The following PGM3 variants were observed in gnomAD, a reference collection of about 807,000 sequenced individuals.
PGM3 encodes the protein phosphoacetylglucosamine mutase.
In PGM3, 40 loss-of-function variants were observed where a neutral mutation model predicts 66.2. The observed-to-expected ratio is 0.60, with a 90% CI of 0.47 to 0.79. The LOEUF is 0.79. Ranked by LOEUF, PGM3 falls within the 30% of genes least tolerant of loss-of-function variation. The pLI, the probability that PGM3 is intolerant of heterozygous loss-of-function variation, is 0.00. For synonymous variants in PGM3, 191 were observed against 224.2 expected (o/e 0.85, Z 1.32); for missense variants, 537 against 643.4 (o/e 0.83, Z 1.79).
intron 8 of PGM3, 140 bp from the exon 9 acceptor site, chr6:83,176,200 C>G: frequency 1.7e-6 from 1 of 594,042 alleles, no homozygotes; most frequent in Non-Finnish European, 3.1e-6. Context: ...CATTAAAATA[C>G]AAAATGGTAC....
downstream of PGM3, chr6:83,157,465 G>A: frequency 1.2e-6 from 1 of 843,160 alleles, no homozygotes; most frequent in Admixed American, 2.7e-5. Context: ...GTTGAAAATA[G>A]TAAAACAAGT....
At chr6:83,187,392 T>C (rs1320501536) in intron 3 of PGM3, among the ~76,000 whole-genome samples, 2 of 152,218 alleles carry the variant, frequency 1.3e-5, no homozygotes, top group African/African-American at 4.8e-5. Context: ...CTAAGAACAG[T>C]AACAATAAAC....
the PGM3 span, chr6:83,153,439 C>T: frequency 1.1e-6 from 1 of 936,382 alleles, no homozygotes. Flanking sequence ...TTCTAACAAA[C>T]TGAAAATCAG....
intron 1 of PGM3, among the ~76,000 whole-genome samples, chr6:83,191,723 TC>T (rs1583300979): frequency 6.6e-6 from 1 of 152,148 alleles, no homozygotes; most frequent in East Asian, 1.9e-4. Context: ...GAGCGGTGGC[TC>T]ACGCCAGTAA....
chr6:83,191,264 C>G lies in PGM3; in HGVS notation c.-2-250G>C, dbSNP rs1231998324. On this transcript the variant is annotated intron_variant, in intron 1 of 12. Coordinates refer to ENST00000513973, the MANE Select transcript of PGM3 (RefSeq NM_015599.3). The stretch of plus-strand genomic sequence containing the variant: ...GATAGCAGATTGTCCCCACTCTCCT[C>G]CCATTTTAGCTCCAGGACTATCCTG... 20 of 1,533,854 alleles carry G rather than the reference C, an allele frequency of 1.3e-5. No individual in the cohort carries two copies. The East Asian group carries it at 4.4e-4, about 34-fold the overall frequency.
At chr6:83,156,803 T>C (rs1040136131), downstream of PGM3, among the ~76,000 whole-genome samples, 16 of 152,226 alleles carry the variant, frequency 1.1e-4, no homozygotes, top group African/African-American at 3.6e-4. Context: ...ATTTCAGATA[T>C]GCAAAATGTA....
chr6:83,178,648 C>A, intron 8 of PGM3, 25 bp downstream of exon 8: 2 of 1,344,368 alleles, frequency 1.5e-6, no homozygotes, highest in Non-Finnish European at 2.1e-6. Flanking sequence ...TAAGAAACTA[C>A]CAGAAAACAA....
rs116152302 is a variant in PGM3, at chr6:83,189,339, T to C, written c.205-541A>G. Among the ~76,000 whole-genome samples, 812 of 152,298 alleles carry C rather than the reference T, an allele frequency of 5.3e-3. 9 individuals are homozygous for C. The highest frequency in any genetic ancestry group is 0.019 in the African/African-American group (775 of 41,554). ...ACTGAAAACTGCCTCCCAACACTGT[T>C]CTGCTCAAATTCGTGGAAAGAAAGT... On this transcript the variant is annotated intron_variant, in intron 2 of 12. Coordinates refer to ENST00000513973, the MANE Select transcript of PGM3 (RefSeq NM_015599.3).
chr6:83,152,227 C>T, the PGM3 span: 1 of 945,306 alleles, frequency 1.1e-6, no homozygotes, highest in South Asian at 1.7e-5. Flanking sequence ...CACACACACA[C>T]ACACATAAAA....
chr6:83,181,214 CAG>C (rs1185585454), intron 6 of PGM3, among the ~76,000 whole-genome samples: 1 of 152,158 alleles, frequency 6.6e-6, no homozygotes, highest in Non-Finnish European at 1.5e-5. Flanking sequence ...ACTGTATAAG[CAG>C]AGTTACATTT....
chr6:83,152,364 T>C, the PGM3 span: 1 of 1,481,542 alleles, frequency 6.7e-7, no homozygotes, highest in Non-Finnish European at 9.0e-7. Flanking sequence ...CATTACTCTC[T>C]GAGGTAAATA....
Position 83,179,886 on chromosome 6 carries a change from T to A in PGM3, c.869A>T (p.Asp290Val). The A allele has an allele frequency of 6.2e-7, 1 of 1,613,032 alleles. No homozygotes were observed. The highest frequency in any genetic ancestry group is 8.5e-7 in the Non-Finnish European group (1 of 1,179,134). ...DRIVYYYHDADGHFHLIDGDK... is the reference protein window; with the variant it reads ...DRIVYYYHDAVGHFHLIDGDK... ...TCCATCTATGAGATGAAAGTGGCCA[T>A]CTGCATCATGGTAGTAATAAACAAT... The change falls in exon 7 of 13, where the codon GAT (aspartate) becomes GTT (valine). Residue 290 changes from aspartate to valine, a missense_variant. By Grantham distance (152) the Asp-to-Val change is radical. Coordinates refer to ENST00000513973, the MANE Select transcript of PGM3 (RefSeq NM_015599.3).
Position 83,167,714 on chromosome 6 carries a change from C to A in PGM3, c.*1520G>T. ...TGGCAGTAAAAGGTCTCAGAAGCACCAAGGGTTTTGATCAGGTCAGGAGTT... is the reference window on the plus strand; with the variant it reads ...TGGCAGTAAAAGGTCTCAGAAGCACAAAGGGTTTTGATCAGGTCAGGAGTT... On this transcript the variant is annotated 3_prime_UTR_variant, in exon 13 of 13. Transcript: ENST00000513973. The A allele has an allele frequency of 1.4e-6, 2 of 1,401,386 alleles. No individual in the cohort carries two copies. Among genetic ancestry groups the A allele is most frequent in the Non-Finnish European group, 1.9e-6 (2 of 1,079,556 alleles). The allele number at this position is 1,401,386 out of a possible 1,614,324, so 86.8% of individuals were successfully genotyped here. A position where few individuals can be genotyped will look rare whatever the true frequency, so the allele number is the denominator to read the frequency against.
intron 7 of PGM3, among the ~76,000 whole-genome samples, chr6:83,179,109 G>C (rs544659251): frequency 6.6e-6 from 1 of 152,068 alleles, no homozygotes; most frequent in African/African-American, 2.4e-5. Context: ...TCAAAAGTTC[G>C]AGACCAGCCT....
chr6:83,170,761 A>G (rs1265099308), intron 11 of PGM3: 2 of 259,664 alleles, frequency 7.7e-6, no homozygotes, highest in East Asian at 1.5e-4. Flanking sequence ...TATCACACAC[A>G]AAAACAGGAT....
At position 83,189,228 on chromosome 6, in the gene PGM3, A is replaced by G. The variant is rs572075560; in HGVS notation, c.205-430T>C. On this transcript the variant is annotated intron_variant, in intron 2 of 12. Transcript: ENST00000513973. ...CTGACTAGGGCACAAGTGGAGCAGA[A>G]TAAGGGCACACAGAGATCCTTCTCA... 4.6e-5 allele frequency among the ~76,000 whole-genome samples: 7 copies of G among 152,328 alleles called. No homozygotes were observed. The South Asian group carries it at 1.2e-3, about 27-fold the overall frequency.
chr6:83,190,819 T>C lies in PGM3; in HGVS notation c.194A>G (p.His65Arg), dbSNP rs1788984252. 1 of 1,613,274 alleles carries C rather than the reference T, an allele frequency of 6.2e-7. No individual in the cohort carries two copies. The highest frequency in any genetic ancestry group is 1.3e-5 in the African/African-American group (1 of 74,900). Residue 65 changes from histidine to arginine, a missense_variant, in exon 2 of 13, where the codon CAC (histidine) becomes CGC (arginine). Physicochemically the swap from His to Arg is conservative, Grantham distance 29 (BLOSUM62 0). Coordinates refer to ENST00000513973, the MANE Select transcript of PGM3 (RefSeq NM_015599.3). ...STIGVMVTASHNPEEDNGVKL... is the reference protein window; with the variant it reads ...STIGVMVTASRNPEEDNGVKL... ...CACTAAACCCATTACCTCAGGATTG[T>C]GGGACGCTGTTACCATGACTCCTAT...
intron 9 of PGM3, among the ~76,000 whole-genome samples, chr6:83,175,285 C>A (rs1048100984): frequency 7.2e-5 from 11 of 152,150 alleles, no homozygotes; most frequent in African/African-American, 2.4e-4. Context: ...TTACCAACTT[C>A]TCCATTCGAT....
rs1787733036 is a variant in PGM3 at position 83,175,987 on chromosome 6, T to C, written c.1103A>G (p.Tyr368Cys). Residue 368 changes from tyrosine to cysteine, a missense_variant, in exon 9 of 13, where the codon TAT becomes TGT. Physicochemically the swap from Tyr to Cys is radical, Grantham distance 194. Transcript: ENST00000513973. ...AGTGCCATGCCCATTTGCTTCAAAA[T>C]AAACTCCAATGTCAAACTCTTGAGC... ...HKAQEFDIGV[Y>C]FEANGHGTAL... is the part of the protein sequence containing the mutation. 6.2e-7 allele frequency: 1 copy of C among 1,611,022 alleles called. No individual in the cohort carries two copies. Among genetic ancestry groups the C allele is most frequent in the Non-Finnish European group, 8.5e-7 (1 of 1,177,338 alleles).
Sources: gnomAD v4.1 joint callset for allele counts (sites outside exome capture counted in the v4.1 genomes callset) on GRCh38, gnomAD v4.1.1 for gene constraint, MANE v1.5 for transcripts, NCBI Gene and HGNC (gene_info 2026-07-23, HGNC 2026-07-21) for gene names.